ST14: variants seen among roughly 807,000 people sequenced by gnomAD.
The protein encoded by ST14 is ST14 transmembrane serine protease matriptase, also known as suppressor of tumorigenicity 14 protein.
ST14 carries 40 observed loss-of-function variants against 96.5 expected under a neutral mutation model. That is an observed-to-expected ratio of 0.41 (90% CI 0.32 to 0.54). The LOEUF (loss-of-function observed/expected upper bound fraction) is 0.54, where lower values mean the gene tolerates loss of function less well. Among genes scored for constraint, ST14 ranks in the 20% least tolerant of loss-of-function variants. The pLI, the probability that ST14 is intolerant of heterozygous loss-of-function variation, is 0.17. For synonymous variants in ST14, 506 were observed against 492.1 expected (o/e 1.03, Z -0.37); for missense variants, 1,066 against 1,188.9 (o/e 0.90, Z 1.52).
chr11:130,163,059 G>C (rs1953009843), intron 1 of ST14, among the ~76,000 whole-genome samples: 1 of 152,184 alleles, frequency 6.6e-6, no homozygotes, highest in Admixed American at 6.6e-5. Flanking sequence ...GTTGCAGTGT[G>C]GTGTTCAAAT....
At chr11:130,170,639 CAGATGGGTTCCTAACCGAGAGGTT>C (rs1953082894) in intron 1 of ST14, among the ~76,000 whole-genome samples, 1 of 151,900 alleles carries the variant, frequency 6.6e-6, no homozygotes, top group Non-Finnish European at 1.5e-5. Context: ...TCCGAGCAGG[CAGATGGGTTCCTAACCGAGAGGTT>C]AGGAACCTCT....
rs1953510981 is a variant in ST14, at chr11:130,208,431, G to C, written c.2016G>C (p.Trp672Cys). The C allele has an allele frequency of 6.2e-7, 1 of 1,614,112 alleles. No homozygotes were observed. The highest frequency in any genetic ancestry group is 8.5e-7 in the Non-Finnish European group (1 of 1,180,046). Reference protein sequence around the residue: ...RGFRYSDPTQWTAFLGLHDQS... With the variant: ...RGFRYSDPTQCTAFLGLHDQS... ...CCAGGTACTCAGACCCCACGCAGTG[G>C]ACGGCCTTCCTGGGCTTGCACGACC... is the stretch of plus-strand genomic sequence containing the variant. The change falls in exon 17 of 19, where the codon TGG becomes TGC. Residue 672 changes from tryptophan (W) to cysteine (C), a missense_variant. Trp to Cys is a radical substitution (Grantham distance 215). Coordinates refer to ENST00000278742, the MANE Select transcript of ST14 (RefSeq NM_021978.4).
chr11:130,209,436 C>T lies in ST14; in HGVS notation c.2270-6C>T. On this transcript the variant is annotated splice_region_variant and splice_polypyrimidine_tract_variant and intron_variant, in intron 17 of 18. Coordinates refer to ENST00000278742, the MANE Select transcript of ST14 (RefSeq NM_021978.4). ...GGCTCTCAGCCCCGTCCTGCCCTCTCCCCAGGCACTGGCGCGCTGATCCTG... is the reference window on the plus strand; with the variant it reads ...GGCTCTCAGCCCCGTCCTGCCCTCTTCCCAGGCACTGGCGCGCTGATCCTG... The T allele has an allele frequency of 6.3e-7, 1 of 1,578,580 alleles. No individual in the cohort carries two copies. Among genetic ancestry groups the T allele is most frequent in the Non-Finnish European group, 8.6e-7 (1 of 1,162,272 alleles).
intron 1 of ST14, among the ~76,000 whole-genome samples, chr11:130,173,279 G>C (rs1332605590): frequency 6.6e-6 from 1 of 152,186 alleles, no homozygotes; most frequent in Non-Finnish European, 1.5e-5. Context: ...TGGTGGAGCA[G>C]CTGAAGTTCA....
At position 130,187,647 on chromosome 11, in the gene ST14, G is replaced by T. The variant is rs914934463; in HGVS notation, c.82-467G>T. Among the ~76,000 whole-genome samples, 3 of 152,108 alleles carry T rather than the reference G, an allele frequency of 2.0e-5. No individual in the cohort carries two copies. The highest frequency in any genetic ancestry group is 7.2e-5 in the African/African-American group (3 of 41,426). ...GCCAGGTGATGGGGGGATTGAATCT[G>T]GTAGGGGCTGTGTCCGAGGGAGCAG... On this transcript the variant is annotated intron_variant, in intron 1 of 18. Transcript: ENST00000278742. The surrounding 1 kb of genome is among the most constrained non-coding windows in gnomAD (Gnocchi z 4.5).
Position 130,190,712 on chromosome 11 carries a change from C to A in ST14, c.875+18C>A, listed in dbSNP as rs748718945. On this transcript the variant is annotated intron_variant, in intron 7 of 18. Transcript: ENST00000278742. Reference sequence around the variant, plus strand: ...CTGGTGCAGTGAGTACCCCGGGGGGCGGGTAGGGCTGTGGGAGCTTGGCGG... The same window carrying A: ...CTGGTGCAGTGAGTACCCCGGGGGGAGGGTAGGGCTGTGGGAGCTTGGCGG... The A allele has an allele frequency of 2.6e-6, 4 of 1,557,342 alleles. No homozygotes were observed. The highest frequency in any genetic ancestry group is 3.5e-6 in the Non-Finnish European group (4 of 1,151,054).
intron 11 of ST14, 118 bp downstream of exon 11, chr11:130,196,818 A>G: frequency 6.8e-7 from 1 of 1,475,624 alleles, no homozygotes; most frequent in Non-Finnish European, 9.4e-7. Flanking sequence ...ATGTAAGAGC[A>G]TCTCACCCCT....
intron 16 of ST14, among the ~76,000 whole-genome samples, chr11:130,203,458 G>A (rs1266623655): frequency 1.3e-5 from 2 of 152,066 alleles, no homozygotes; most frequent in Non-Finnish European, 2.9e-5. Flanking sequence ...AGCCCAGAGG[G>A]GCCTTCCCCA....
chr11:130,194,039 C>T, intron 7 of ST14, 110 bp from the exon 8 acceptor site: 1 of 1,426,472 alleles, frequency 7.0e-7, no homozygotes, highest in Non-Finnish European at 9.9e-7. Flanking sequence ...TGGATGGGAC[C>T]AGAGTTAGGG....
intron 7 of ST14, among the ~76,000 whole-genome samples, chr11:130,193,084 C>T (rs962482405): frequency 1.3e-5 from 2 of 149,196 alleles, no homozygotes; most frequent in African/African-American, 2.4e-5. Context: ...TTAAAAGCAC[C>T]GAGAACCATG....
chr11:130,203,571 C>T (rs551851607), intron 16 of ST14, among the ~76,000 whole-genome samples: 2 of 152,368 alleles, frequency 1.3e-5, no homozygotes, highest in East Asian at 1.9e-4. Context: ...GGCCCCTGCC[C>T]GTCCGTGCAG....
rs769181276 is a variant in ST14, at chr11:130,190,644, G to A, written c.825G>A (p.Leu275=). Residue 275 remains leucine (L), a synonymous_variant, in exon 7 of 19, where the codon CTG becomes CTA. Coordinates refer to ENST00000278742, the MANE Select transcript of ST14 (RefSeq NM_021978.4). The part of the protein sequence containing the change: ...LASCDERGSD[L]VTVYNTLSPM... ...CCTGCGACGAGCGCGGCAGCGACCT[G>A]GTGACGGTGTACAACACCCTGAGCC... 7.5e-6 allele frequency: 12 copies of A among 1,607,708 alleles called. No homozygotes were observed. The Admixed American group carries it at 2.0e-4, about 27-fold the overall frequency.
In ST14 at chr11:130,191,645, G is replaced by A. The variant is rs201120652; in HGVS notation, c.875+951G>A. 2.8e-3 allele frequency among the ~76,000 whole-genome samples: 398 copies of A among 142,124 alleles called. 1 individual carries two copies. Among genetic ancestry groups the A allele is most frequent in the African/African-American group, 9.4e-3 (352 of 37,430 alleles). The allele number at this position is 142,124 out of a possible 152,430, so 93.2% of individuals were successfully genotyped here. A position where few individuals can be genotyped will look rare whatever the true frequency, so the allele number is the denominator to read the frequency against. ...GCAGAGGTTGCAGTGAGCCGAGATCGTACCACTACACTCCAGCCTGGGCAA... is the reference window on the plus strand; with the variant it reads ...GCAGAGGTTGCAGTGAGCCGAGATCATACCACTACACTCCAGCCTGGGCAA... On this transcript the variant is annotated intron_variant, in intron 7 of 18. Transcript: ENST00000278742.
At chr11:130,194,083 G>A (rs1268450428) in intron 7 of ST14, 66 bp from the exon 8 acceptor site, 44 of 1,611,702 alleles carry the variant, frequency 2.7e-5, no homozygotes, top group Middle Eastern at 3.3e-4. Context: ...CTGAGAGCCT[G>A]GTTTGGGTGT....
intron 1 of ST14, among the ~76,000 whole-genome samples, chr11:130,162,686 G>GGAA (rs1374471019): frequency 6.6e-6 from 1 of 152,230 alleles, no homozygotes; most frequent in East Asian, 1.9e-4. Context: ...ATAGCAGTGA[G>GGAA]GAAGACCCTA....
At chr11:130,194,346 T>C in intron 8 of ST14, 58 bp downstream of exon 8, 2 of 1,607,048 alleles carry the variant, frequency 1.2e-6, no homozygotes, top group Non-Finnish European at 1.7e-6. Context: ...GGGGAAGGCC[T>C]TAGTGGGGGT....
At chr11:130,173,930 C>T (rs1953115209) in intron 1 of ST14, among the ~76,000 whole-genome samples, 1 of 152,248 alleles carries the variant, frequency 6.6e-6, no homozygotes, top group South Asian at 2.1e-4. Context: ...GCAGCATGCT[C>T]TGGGCCTCAG....
chr11:130,196,514 C>T, intron 10 of ST14, 56 bp from the exon 11 acceptor site: 2 of 1,557,650 alleles, frequency 1.3e-6, no homozygotes, highest in South Asian at 1.1e-5. Flanking sequence ...CACCAGACCC[C>T]CAGCCCCCCG....
intron 11 of ST14, 125 bp downstream of exon 11, chr11:130,196,825 C>T (rs748705049): frequency 2.8e-6 from 4 of 1,443,220 alleles, no homozygotes; most frequent in African/African-American, 1.4e-5. Context: ...AGCATCTCAC[C>T]CCTCCCGTAG....
Sources: allele counts gnomAD v4.1 joint callset (sites outside exome capture counted in the v4.1 genomes callset), GRCh38; gene constraint gnomAD v4.1.1; non-coding constraint Gnocchi (gnomAD v3.1); transcripts MANE v1.5; gene names NCBI Gene and HGNC (gene_info 2026-07-23, HGNC 2026-07-21).